LINGO2: variants seen among roughly 807,000 people sequenced by gnomAD.
LINGO2 encodes leucine-rich repeat and immunoglobulin-like domain-containing nogo receptor-interacting protein 2.
In LINGO2, 14 loss-of-function variants were observed where a neutral mutation model predicts 30.6. That is an observed-to-expected ratio of 0.46 (90% confidence interval 0.30 to 0.72). The LOEUF is 0.72. LINGO2 is among the 30% of genes least tolerant of loss of function. LINGO2 has a pLI of 0.07. For missense variants in LINGO2, 729 were observed against 751.7 expected (o/e 0.97, Z 0.35); for synonymous variants, 317 against 288.5 (o/e 1.10, Z -1.00).
At chr9:28,469,693 C>A (rs561802565) in intron 2 of LINGO2, among the ~76,000 whole-genome samples, 3 of 152,090 alleles carry the variant, frequency 2.0e-5, no homozygotes, top group South Asian at 2.1e-4. Flanking sequence ...AAGAAAAAAA[C>A]CTGTCAATCT....
the LINGO2 span, among the ~76,000 whole-genome samples, chr9:29,182,336 TG>T: frequency 6.6e-6 from 1 of 152,050 alleles, no homozygotes; most frequent in Admixed American, 6.6e-5. Flanking sequence ...GGAACCAAGA[TG>T]TAGGATCCAA....
At chr9:28,540,084 A>G (rs1331886368) in intron 1 of LINGO2, among the ~76,000 whole-genome samples, 3 of 152,160 alleles carry the variant, frequency 2.0e-5, no homozygotes, top group African/African-American at 7.2e-5. Context: ...TCTAAAAGAC[A>G]TCGCACAACT....
At chr9:28,309,977 A>C (rs1026209520) in intron 3 of LINGO2, among the ~76,000 whole-genome samples, 2 of 152,142 alleles carry the variant, frequency 1.3e-5, no homozygotes, top group Non-Finnish European at 2.9e-5. Context: ...CTATTAAATT[A>C]AATAAGATTA....
chr9:28,781,018 A>T, the LINGO2 span, among the ~76,000 whole-genome samples: 1 of 152,200 alleles, frequency 6.6e-6, no homozygotes, highest in East Asian at 1.9e-4. Context: ...ATAAGATTTT[A>T]AAATGTGTGT....
chr9:28,981,552 TG>T, the LINGO2 span, among the ~76,000 whole-genome samples: 22 of 152,152 alleles, frequency 1.4e-4, no homozygotes, highest in African/African-American at 5.3e-4. Context: ...AGTCTCACTT[TG>T]CCCCTGTCTT....
intron 4 of LINGO2, among the ~76,000 whole-genome samples, chr9:28,294,141 T>C (rs1424452561): frequency 6.6e-6 from 1 of 152,230 alleles, no homozygotes; most frequent in Non-Finnish European, 1.5e-5. Context: ...CATTAGGGAA[T>C]TGAAAGTTAA....
At chr9:28,461,792 G>C (rs371234518) in intron 2 of LINGO2, among the ~76,000 whole-genome samples, 1 of 152,260 alleles carries the variant, frequency 6.6e-6, no homozygotes, top group African/African-American at 2.4e-5. Context: ...GATTATATCT[G>C]TTAATGACTC....
chr9:28,919,026 G>A, the LINGO2 span, among the ~76,000 whole-genome samples: 6 of 152,074 alleles, frequency 3.9e-5, no homozygotes, highest in Admixed American at 6.6e-5. Flanking sequence ...GCTTCAATCC[G>A]TGAAAATAGG....
At chr9:29,206,980 T>C in the LINGO2 span, among the ~76,000 whole-genome samples, 9 of 152,106 alleles carry the variant, frequency 5.9e-5, no homozygotes, top group African/African-American at 2.2e-4. Flanking sequence ...GACAGTCACA[T>C]CCTCACCTCA....
the LINGO2 span, among the ~76,000 whole-genome samples, chr9:28,969,152 T>C: frequency 6.6e-6 from 1 of 152,102 alleles, no homozygotes; most frequent in East Asian, 1.9e-4. Flanking sequence ...TAGTAAATTA[T>C]TTATACATTA....
intron 1 of LINGO2, among the ~76,000 whole-genome samples, chr9:28,635,078 T>G (rs62548199): frequency 0.09 from 13,747 of 152,154 alleles, 879 homozygotes; most frequent in Admixed American, 0.22. Flanking sequence ...AAGCAAAATA[T>G]GATGATAAGA....
the LINGO2 span, among the ~76,000 whole-genome samples, chr9:28,735,737 T>G: frequency 6.6e-6 from 1 of 151,958 alleles, no homozygotes; most frequent in Admixed American, 6.6e-5. Context: ...TAACATCTGC[T>G]TTCTCAAAAC....
chr9:28,494,797 T>G (rs570196954), intron 1 of LINGO2, among the ~76,000 whole-genome samples: 2 of 152,192 alleles, frequency 1.3e-5, no homozygotes, highest in African/African-American at 4.8e-5. Flanking sequence ...CCCCACACTG[T>G]CTTCCACAAT....
chr9:28,803,951 G>A, the LINGO2 span, among the ~76,000 whole-genome samples: 2 of 152,160 alleles, frequency 1.3e-5, no homozygotes, highest in East Asian at 3.9e-4. Flanking sequence ...ATAAAGGTAA[G>A]TGTGAATCCA....
At chr9:28,121,539 A>G (rs1827096686) in intron 4 of LINGO2, among the ~76,000 whole-genome samples, 1 of 152,180 alleles carries the variant, frequency 6.6e-6, no homozygotes, top group Admixed American at 6.5e-5. Flanking sequence ...ACAAAGGGAC[A>G]TAGTCCTTTT....
chr9:28,079,332 C>G (rs1825711629), intron 4 of LINGO2, among the ~76,000 whole-genome samples: 1 of 152,030 alleles, frequency 6.6e-6, no homozygotes, highest in Non-Finnish European at 1.5e-5. Flanking sequence ...AAAAAGCAAC[C>G]AGCCACACCC....
chr9:28,557,476 T>A (rs1411931116), intron 1 of LINGO2, among the ~76,000 whole-genome samples: 1 of 151,884 alleles, frequency 6.6e-6, no homozygotes, highest in African/African-American at 2.4e-5. Context: ...AGAATGGCGA[T>A]CATTAAAAAG....
At chr9:28,903,178 TGAAA>T in the LINGO2 span, among the ~76,000 whole-genome samples, 3 of 150,596 alleles carry the variant, frequency 2.0e-5, no homozygotes, top group East Asian at 3.9e-4. Context: ...AAATCAGAAA[TGAAA>T]GAGAGACATT....
intron 1 of LINGO2, among the ~76,000 whole-genome samples, chr9:28,485,327 C>T (rs998695789): frequency 4.6e-5 from 7 of 152,036 alleles, no homozygotes; most frequent in African/African-American, 1.7e-4. Context: ...CATGGCACTC[C>T]GGATGATACA....
Sources: allele counts gnomAD v4.1 joint callset (sites outside exome capture counted in the v4.1 genomes callset), GRCh38; gene constraint gnomAD v4.1.1; transcripts MANE v1.5; gene names NCBI Gene and HGNC (gene_info 2026-07-23, HGNC 2026-07-21).